Variants in ASIC2 observed in about 807,000 individuals in gnomAD.
ASIC2 encodes the protein acid-sensing ion channel 2.
In ASIC2, 25 loss-of-function variants were observed where a neutral mutation model predicts 57.3. That is an observed-to-expected ratio of 0.44 (90% CI 0.32 to 0.61). ASIC2 has a LOEUF of 0.61. Among genes scored for constraint, ASIC2 ranks in the 20% least tolerant of loss-of-function variants. The pLI is 0.06. For missense variants in ASIC2, 641 were observed against 738.1 expected (o/e 0.87, Z 1.52); for synonymous variants, 319 against 307.5 (o/e 1.04, Z -0.39).
chr17:33,215,018 C>T (rs1907423609), intron 1 of ASIC2, among the ~76,000 whole-genome samples: 1 of 152,152 alleles, frequency 6.6e-6, no homozygotes, highest in Non-Finnish European at 1.5e-5. Flanking sequence ...AAGAGGCTTC[C>T]CTATACATGA....
At chr17:33,607,633 A>G (rs993001582) in intron 1 of ASIC2, among the ~76,000 whole-genome samples, 5 of 152,192 alleles carry the variant, frequency 3.3e-5, no homozygotes, top group African/African-American at 1.2e-4. Context: ...TGAGGGAAAC[A>G]GTGGCGGCAT....
intron 1 of ASIC2, among the ~76,000 whole-genome samples, chr17:33,215,901 G>C (rs981925227): frequency 6.6e-6 from 1 of 152,150 alleles, no homozygotes; most frequent in East Asian, 1.9e-4. Context: ...GGGTTTCACC[G>C]TGTTAGCCAG....
intron 1 of ASIC2, among the ~76,000 whole-genome samples, chr17:34,028,005 A>G (rs769427924): frequency 4.9e-4 from 75 of 152,174 alleles, no homozygotes; most frequent in Non-Finnish European, 7.2e-4. Context: ...GGCAGCAGGT[A>G]TTGTTATCAT....
intron 3 of ASIC2, among the ~76,000 whole-genome samples, chr17:33,054,453 G>A (rs113641498): frequency 3.9e-5 from 6 of 152,228 alleles, no homozygotes; most frequent in Admixed American, 2.0e-4. Flanking sequence ...GGGCTTTTCC[G>A]GTTTCAGCAT....
intron 1 of ASIC2, among the ~76,000 whole-genome samples, chr17:33,913,898 C>A (rs35769597): frequency 0.019 from 2,859 of 152,304 alleles, 95 homozygotes; most frequent in African/African-American, 0.066. Flanking sequence ...ATTTTCCCAA[C>A]AGTGCTGTGA....
At chr17:34,049,239 C>A (rs1328688284) in intron 1 of ASIC2, among the ~76,000 whole-genome samples, 1 of 152,064 alleles carries the variant, frequency 6.6e-6, no homozygotes, top group Non-Finnish European at 1.5e-5. Context: ...CCACAGTGAA[C>A]CATGGATTGT....
intron 1 of ASIC2, among the ~76,000 whole-genome samples, chr17:33,263,532 G>A (rs1311241906): frequency 6.6e-6 from 1 of 152,204 alleles, no homozygotes; most frequent in East Asian, 1.9e-4. Flanking sequence ...CTCCCACTAG[G>A]TGCTTCTGAC....
chr17:33,087,682 C>T lies in ASIC2; in HGVS notation c.987+1181G>A, dbSNP rs1047228048. 2.7e-5 allele frequency among the ~76,000 whole-genome samples: 4 copies of T among 146,608 alleles called. No individual in the cohort carries two copies. In the Admixed American group the frequency reaches 2.8e-4, roughly 10 times the overall value. On this transcript the variant is annotated intron_variant, in intron 3 of 9. Coordinates refer to ENST00000225823, the MANE Select transcript of ASIC2 (RefSeq NM_183377.2). Reference sequence around the variant, plus strand: ...GCTCAAGTGATCCTCCCACCTCCAACCGCCCAAGTAGCTGGGATCACAGGC... The same window carrying T: ...GCTCAAGTGATCCTCCCACCTCCAATCGCCCAAGTAGCTGGGATCACAGGC...
intron 1 of ASIC2, among the ~76,000 whole-genome samples, chr17:33,967,781 C>G (rs2141996096): frequency 6.6e-6 from 1 of 152,296 alleles, no homozygotes; most frequent in Non-Finnish European, 1.5e-5. Flanking sequence ...CATGCAGTGT[C>G]TCATTAATTC....
chr17:33,431,971 A>T (rs1911436454), intron 1 of ASIC2, among the ~76,000 whole-genome samples: 1 of 152,260 alleles, frequency 6.6e-6, no homozygotes, highest in Non-Finnish European at 1.5e-5. Flanking sequence ...AATGTAAAAA[A>T]TACTCAAAGA....
chr17:33,948,623 G>A (rs1233906645), intron 1 of ASIC2, among the ~76,000 whole-genome samples: 1 of 152,228 alleles, frequency 6.6e-6, no homozygotes, highest in African/African-American at 2.4e-5. Context: ...ACTGGCCCTG[G>A]CTTTAGAAAA....
intron 1 of ASIC2, among the ~76,000 whole-genome samples, chr17:33,660,943 C>T (rs948532157): frequency 2.0e-5 from 3 of 152,216 alleles, no homozygotes; most frequent in Admixed American, 1.3e-4. Flanking sequence ...TTACACTTGG[C>T]CCCTGGCTCC....
chr17:34,009,109 C>G (rs1409704420), intron 1 of ASIC2, among the ~76,000 whole-genome samples: 1 of 151,856 alleles, frequency 6.6e-6, no homozygotes, highest in Non-Finnish European at 1.5e-5. Context: ...ATTTTGTAAT[C>G]CTGTTTTATC....
intron 1 of ASIC2, among the ~76,000 whole-genome samples, chr17:33,703,736 T>G (rs1487516335): frequency 6.6e-6 from 1 of 152,130 alleles, no homozygotes; most frequent in Non-Finnish European, 1.5e-5. Context: ...CCTGGGGCCT[T>G]TAGCCTGTCC....
At chr17:33,160,140 T>C (rs1399405419) in intron 1 of ASIC2, among the ~76,000 whole-genome samples, 1 of 150,656 alleles carries the variant, frequency 6.6e-6, no homozygotes, top group African/African-American at 2.4e-5. Flanking sequence ...GCCTAGGAGG[T>C]GGAGGCTGCA....
chr17:33,025,297 T>A (rs1487535473), intron 5 of ASIC2, among the ~76,000 whole-genome samples: 1 of 152,176 alleles, frequency 6.6e-6, no homozygotes, highest in Non-Finnish European at 1.5e-5. Flanking sequence ...GCACTCTCCC[T>A]CCCTCCTAGT....
At chr17:33,909,200 G>A (rs533545208) in intron 1 of ASIC2, among the ~76,000 whole-genome samples, 3 of 152,150 alleles carry the variant, frequency 2.0e-5, no homozygotes, top group Admixed American at 6.5e-5. Context: ...TGGTGCCTGC[G>A]CTCTTGGCAG....
At chr17:34,058,370 T>C (rs899789401) in intron 1 of ASIC2, among the ~76,000 whole-genome samples, 1 of 152,200 alleles carries the variant, frequency 6.6e-6, no homozygotes, top group Non-Finnish European at 1.5e-5. Context: ...AACCACCTTA[T>C]AGATGAAGAA....
chr17:33,831,919 G>A (rs1381250133), intron 1 of ASIC2, among the ~76,000 whole-genome samples: 1 of 152,196 alleles, frequency 6.6e-6, no homozygotes, highest in African/African-American at 2.4e-5. Context: ...CAGCAGATCA[G>A]CCCCCATGTC....
Sources: allele counts gnomAD v4.1 joint callset (sites outside exome capture counted in the v4.1 genomes callset), GRCh38; gene constraint gnomAD v4.1.1; transcripts MANE v1.5; gene names NCBI Gene and HGNC (gene_info 2026-07-23, HGNC 2026-07-21).